The following PSTPIP1 variants were observed in gnomAD, a reference collection of about 807,000 sequenced individuals.
The protein encoded by PSTPIP1 is proline-serine-threonine phosphatase-interacting protein 1.
A neutral mutation model predicts 69.6 loss-of-function variants in PSTPIP1; 66 were observed. That is an observed-to-expected ratio of 0.95 (90% CI 0.78 to 1.16). PSTPIP1 has a LOEUF of 1.16. Among genes scored for constraint, PSTPIP1 ranks in the 50% most tolerant of loss-of-function variants. The pLI, the probability that PSTPIP1 is intolerant of heterozygous loss-of-function variation, is 0.00. For synonymous variants in PSTPIP1, 266 were observed against 222.7 expected (o/e 1.19, Z -1.73); for missense variants, 603 against 557.4 (o/e 1.08, Z -0.82).
chr15:77,028,696 G>T (rs962264968), intron 7 of PSTPIP1, 44 bp downstream of exon 7: 3 of 1,454,232 alleles, frequency 2.1e-6, no homozygotes, highest in African/African-American at 2.9e-5. Context: ...AGGGCTGGGG[G>T]CAGTGGGGGA....
intron 13 of PSTPIP1, 53 bp downstream of exon 13, chr15:77,035,616 G>A (rs1396366982): frequency 5.9e-6 from 9 of 1,533,254 alleles, no homozygotes; most frequent in Admixed American, 2.0e-5. Context: ...GGGGGGAGGA[G>A]AGGTCTCCCA....
At chr15:77,012,374 T>C (rs1227697723) in intron 1 of PSTPIP1, among the ~76,000 whole-genome samples, 198 of 40,150 alleles carry the variant, frequency 4.9e-3, no homozygotes, top group Admixed American at 0.012. Flanking sequence ...CCCACCCACC[T>C]ATCCACCCAT....
intron 5 of PSTPIP1, 103 bp downstream of exon 5, chr15:77,025,707 G>A (rs145750201): frequency 2.3e-4 from 203 of 884,782 alleles, no homozygotes; most frequent in African/African-American, 7.9e-4. Context: ...AGTGGAGGGC[G>A]GCAGGGGTGG....
rs185489191 is a variant in PSTPIP1, at chr15:77,021,572, A to G, written c.212+3041A>G. On this transcript the variant is annotated intron_variant, in intron 3 of 14. Transcript: ENST00000558012. The stretch of plus-strand genomic sequence containing the variant: ...CGCGAGCCTGCAGTCCCAGCTACTC[A>G]GGAGGCTGAAGCAGGAGAATCACTT... Among the ~76,000 whole-genome samples the G allele has an allele frequency of 1.6e-3, 244 of 152,262 alleles. 2 individuals carry two copies. The highest frequency in any genetic ancestry group is 5.7e-3 in the African/African-American group (238 of 41,574).
intron 1 of PSTPIP1, among the ~76,000 whole-genome samples, chr15:77,012,715 G>T (rs1458614918): frequency 6.6e-6 from 1 of 152,206 alleles, no homozygotes; most frequent in Non-Finnish European, 1.5e-5. Flanking sequence ...TATACAATGG[G>T]GATGATAATT....
rs754018655 is a variant in PSTPIP1 at position 77,010,144 on chromosome 15, G to A, written c.37-8004G>A. 4.6e-5 allele frequency among the ~76,000 whole-genome samples: 7 copies of A among 152,268 alleles called. No individual in the cohort carries two copies. The South Asian group carries it at 6.2e-4, about 14-fold the overall frequency. On this transcript the variant is annotated intron_variant, in intron 1 of 14. Coordinates refer to ENST00000558012, the MANE Select transcript of PSTPIP1 (RefSeq NM_003978.5). ...CCCTTCCTCACTTGCCCTCACTGTC[G>A]GCCTCCTTCCTCGCCCACTGCTGGA...
intron 1 of PSTPIP1, among the ~76,000 whole-genome samples, chr15:77,013,733 C>A (rs981994283): frequency 9.2e-5 from 14 of 152,106 alleles, no homozygotes; most frequent in Non-Finnish European, 1.9e-4. Flanking sequence ...CACTTGGTTC[C>A]CAGGGAAGAT....
chr15:77,021,109 T>C (rs1235397371), intron 3 of PSTPIP1, among the ~76,000 whole-genome samples: 1 of 152,158 alleles, frequency 6.6e-6, no homozygotes, highest in East Asian at 1.9e-4. Context: ...AGCCAGGTGG[T>C]TAAGTGACCC....
At chr15:77,015,969 C>G in intron 1 of PSTPIP1, 1 of 456,288 alleles carries the variant, frequency 2.2e-6, no homozygotes, top group Non-Finnish European at 4.4e-6. Context: ...CCTCTCGCTG[C>G]TTTCTGACTC....
At chr15:77,022,508 C>G (rs1328259544) in intron 3 of PSTPIP1, among the ~76,000 whole-genome samples, 1 of 152,222 alleles carries the variant, frequency 6.6e-6, no homozygotes, top group East Asian at 1.9e-4. Flanking sequence ...GATGGAGACA[C>G]AGTAGAGGTG....
At chr15:76,994,804 C>T (rs148361080), upstream of PSTPIP1, 1 of 1,289,058 alleles carries the variant, frequency 7.8e-7, no homozygotes, top group African/African-American at 1.5e-5. Flanking sequence ...ATGACAGATG[C>T]CCTAGACCTG....
At position 77,010,353 on chromosome 15, in the gene PSTPIP1, C is replaced by T. The variant is rs114328863; in HGVS notation, c.37-7795C>T. On this transcript the variant is annotated intron_variant, in intron 1 of 14. Coordinates refer to ENST00000558012, the MANE Select transcript of PSTPIP1 (RefSeq NM_003978.5). The stretch of plus-strand genomic sequence containing the variant: ...GATCATGCGTGAGAGCCCCACCAGG[C>T]ACCGCACACTCAATCCCTTCCCCTG... Among the ~76,000 whole-genome samples, 195 of 152,328 alleles carry T rather than the reference C, an allele frequency of 1.3e-3. 2 individuals are homozygous for T. Among genetic ancestry groups the T allele is most frequent in the African/African-American group, 4.2e-3 (176 of 41,578 alleles).
chr15:77,000,071 G>A (rs1051317548), intron 1 of PSTPIP1, among the ~76,000 whole-genome samples: 1 of 152,204 alleles, frequency 6.6e-6, no homozygotes, highest in Non-Finnish European at 1.5e-5. Flanking sequence ...TGACATGTGG[G>A]TGTATCTCTC....
intron 1 of PSTPIP1, among the ~76,000 whole-genome samples, chr15:77,005,233 A>C (rs1647992282): frequency 1.3e-5 from 2 of 152,172 alleles, no homozygotes; most frequent in Admixed American, 6.5e-5. Context: ...AAAATACAAA[A>C]AATGTAGCCA....
chr15:77,008,221 G>A (rs2152670219), intron 1 of PSTPIP1, among the ~76,000 whole-genome samples: 1 of 152,250 alleles, frequency 6.6e-6, no homozygotes, highest in African/African-American at 2.4e-5. Context: ...TATCTGTGAG[G>A]ATTCTCACTG....
Position 77,025,207 on chromosome 15 carries a change from C to A in PSTPIP1, c.213-77C>A, listed in dbSNP as rs1051103494. ...AAATAAAAGTCCTCCCCACTGCCCA[C>A]CCCGCCGGGAGGCAGCCTGGACTGT... On this transcript the variant is annotated intron_variant, in intron 3 of 14. Transcript: ENST00000558012. The A allele has an allele frequency of 6.0e-6, 9 of 1,488,932 alleles. No individual in the cohort carries two copies. In the African/African-American group the frequency reaches 6.9e-5, roughly 11 times the overall value. The allele number at this position is 1,488,932 out of a possible 1,614,324, so 92.2% of individuals were successfully genotyped here.
At chr15:77,036,888 G>C (rs770678587) in intron 14 of PSTPIP1, among the ~76,000 whole-genome samples, 157 bp from the exon 15 acceptor site, 1 of 152,224 alleles carries the variant, frequency 6.6e-6, no homozygotes. Flanking sequence ...GGCCCGGTCC[G>C]TTGGGTTACC....
At chr15:77,035,417 C>A in intron 12 of PSTPIP1, 91 bp from the exon 13 acceptor site, 1 of 1,357,502 alleles carries the variant, frequency 7.4e-7, no homozygotes, top group Non-Finnish European at 1.0e-6. Flanking sequence ...GCGCGTGCAG[C>A]TCTGAGACCT....
At chr15:77,018,362 C>T (rs2076092956) in intron 2 of PSTPIP1, 95 bp from the exon 3 acceptor site, 4 of 1,537,140 alleles carry the variant, frequency 2.6e-6, no homozygotes, top group Non-Finnish European at 3.5e-6. Flanking sequence ...AGAACACGCC[C>T]TGCTTTAAAA....
Sources: allele counts gnomAD v4.1 joint callset (sites outside exome capture counted in the v4.1 genomes callset), GRCh38; gene constraint gnomAD v4.1.1; transcripts MANE v1.5; gene names NCBI Gene and HGNC (gene_info 2026-07-23, HGNC 2026-07-21).